Variants in ROBO1 observed in about 807,000 individuals in gnomAD.
ROBO1 encodes roundabout homolog 1.
In ROBO1, 149 loss-of-function variants were observed where a neutral mutation model predicts 195.9. That is an observed-to-expected ratio of 0.76 (90% CI 0.67 to 0.87). The LOEUF is 0.87. Among genes scored for constraint, ROBO1 ranks in the 40% least tolerant of loss-of-function variants. ROBO1 has a pLI of 0.00. For synonymous variants in ROBO1, 816 were observed against 733.2 expected (o/e 1.11, Z -1.82); for missense variants, 1,933 against 2,068.3 (o/e 0.93, Z 1.27).
chr3:78,662,029 G>A lies in ROBO1; in HGVS notation c.2052C>T (p.Thr684=), dbSNP rs766320067. The change falls in exon 15 of 31, where the codon ACC becomes ACT. Residue 684 remains threonine, a synonymous_variant. Transcript: ENST00000464233. ...CTTCGATGGAAGAGGAAGAAAGGACGGTGGGGTTGTGGAGGTGCAGAACAG... is the reference window on the plus strand; with the variant it reads ...CTTCGATGGAAGAGGAAGAAAGGACAGTGGGGTTGTGGAGGTGCAGAACAG... The part of the protein sequence containing the change: ...GNAVLHLHNP[T]VLSSSSIEVH... 37 of 1,604,464 alleles carry A rather than the reference G, an allele frequency of 2.3e-5. No individual in the cohort carries two copies. The highest frequency in any genetic ancestry group is 4.5e-5 in the South Asian group (4 of 88,632).
chr3:79,249,542 T>C (rs2082682396), intron 2 of ROBO1, among the ~76,000 whole-genome samples: 1 of 152,168 alleles, frequency 6.6e-6, no homozygotes. Context: ...TCTGTTATGA[T>C]TGATTCACTG....
rs553541039 is a variant in ROBO1 at position 79,090,092 on chromosome 3, A to G, written c.172+35364T>C. On this transcript the variant is annotated intron_variant, in intron 3 of 30. Coordinates refer to ENST00000464233, the MANE Select transcript of ROBO1 (RefSeq NM_002941.4). Reference sequence around the variant, plus strand: ...GTAGCTAGGACTACAGGCATGCACCACCATGCCCAGCTAATTTTTCTATTT... The same window carrying G: ...GTAGCTAGGACTACAGGCATGCACCGCCATGCCCAGCTAATTTTTCTATTT... Among the ~76,000 whole-genome samples the G allele has an allele frequency of 2.6e-4, 40 of 152,060 alleles. 1 individual carries two copies. In the Middle Eastern group the frequency reaches 0.017, roughly 65 times the overall value.
At chr3:79,502,653 G>C (rs1251222118) in intron 2 of ROBO1, among the ~76,000 whole-genome samples, 1 of 152,102 alleles carries the variant, frequency 6.6e-6, no homozygotes, top group Admixed American at 6.5e-5. Context: ...CGCCCCATGC[G>C]AGATCCACTG....
At chr3:79,500,354 T>C (rs1188174948) in intron 2 of ROBO1, among the ~76,000 whole-genome samples, 1 of 152,146 alleles carries the variant, frequency 6.6e-6, no homozygotes, top group Admixed American at 6.5e-5. Context: ...GGTCTCGAAC[T>C]CCTGACCTCA....
intron 1 of ROBO1, among the ~76,000 whole-genome samples, chr3:79,701,488 T>A (rs1947621207): frequency 6.6e-6 from 1 of 151,166 alleles, no homozygotes; most frequent in Non-Finnish European, 1.5e-5. Flanking sequence ...TCCTGTGGAG[T>A]CTGTAGAACA....
chr3:78,920,825 T>G (rs1576402647), intron 4 of ROBO1, among the ~76,000 whole-genome samples: 1 of 151,938 alleles, frequency 6.6e-6, no homozygotes, highest in African/African-American at 2.4e-5. Flanking sequence ...ATTTTATTTT[T>G]TTACTTTTTT....
intron 4 of ROBO1, among the ~76,000 whole-genome samples, chr3:78,778,476 A>G (rs1480480198): frequency 6.6e-6 from 1 of 152,188 alleles, no homozygotes; most frequent in Non-Finnish European, 1.5e-5. Context: ...TACACCAGTA[A>G]TAGACAAACA....
intron 10 of ROBO1, among the ~76,000 whole-genome samples, chr3:78,680,710 T>C (rs1378732824): frequency 2.8e-5 from 4 of 142,590 alleles, no homozygotes; most frequent in Admixed American, 2.1e-4. Context: ...TGTGGAGAAA[T>C]AGGAACACTT....
chr3:79,723,668 G>A (rs1156706075), intron 1 of ROBO1, among the ~76,000 whole-genome samples: 1 of 151,890 alleles, frequency 6.6e-6, no homozygotes, highest in African/African-American at 2.4e-5. Context: ...TGATATCTAT[G>A]GTCAAAGTAA....
intron 4 of ROBO1, among the ~76,000 whole-genome samples, chr3:78,815,513 C>A (rs192563443): frequency 2.1e-3 from 323 of 152,258 alleles, no homozygotes; most frequent in Non-Finnish European, 3.7e-3. Context: ...GCCCAATTGT[C>A]TCCCATTCTA....
chr3:79,692,555 A>G (rs1560105617), intron 1 of ROBO1, among the ~76,000 whole-genome samples: 1 of 151,862 alleles, frequency 6.6e-6, no homozygotes, highest in Non-Finnish European at 1.5e-5. Context: ...GCTAGATTCC[A>G]AAAGAAAGAC....
At chr3:79,728,966 T>A (rs1230025399) in intron 1 of ROBO1, among the ~76,000 whole-genome samples, 1 of 152,170 alleles carries the variant, frequency 6.6e-6, no homozygotes, top group East Asian at 1.9e-4. Flanking sequence ...GGTAAAATTC[T>A]AAAGTACATA....
chr3:79,621,429 G>C (rs191802167), intron 1 of ROBO1, among the ~76,000 whole-genome samples: 1 of 152,208 alleles, frequency 6.6e-6, no homozygotes, highest in Non-Finnish European at 1.5e-5. Context: ...CTCTTCACAT[G>C]GACGTGCATG....
chr3:79,070,228 C>T (rs937871949), intron 3 of ROBO1, among the ~76,000 whole-genome samples: 7 of 151,840 alleles, frequency 4.6e-5, no homozygotes, highest in Non-Finnish European at 1.0e-4. Flanking sequence ...TCTGATTTTA[C>T]CACCTTGAAC....
chr3:78,891,143 G>C (rs2036864816), intron 4 of ROBO1, among the ~76,000 whole-genome samples: 1 of 152,142 alleles, frequency 6.6e-6, no homozygotes, highest in Admixed American at 6.5e-5. Flanking sequence ...TTACATTACA[G>C]TTTCAGTAAG....
rs185716248 is a variant in ROBO1 at position 78,682,746 on chromosome 3, T to C, written c.1342+3000A>G. On this transcript the variant is annotated intron_variant, in intron 10 of 30. Coordinates refer to ENST00000464233, the MANE Select transcript of ROBO1 (RefSeq NM_002941.4). ...AGTCACATAAAAATCATATATATTA[T>C]ATATAATATATAGGAATAAAATTAT... 1.6e-3 allele frequency among the ~76,000 whole-genome samples: 239 copies of C among 147,750 alleles called. 1 individual carries two copies. The highest frequency in any genetic ancestry group is 0.014 in the Middle Eastern group (4 of 280).
intron 4 of ROBO1, among the ~76,000 whole-genome samples, chr3:78,917,096 T>C (rs1257386854): frequency 1.5e-5 from 2 of 135,642 alleles, no homozygotes; most frequent in East Asian, 2.0e-4. Flanking sequence ...TTTTTTGTTT[T>C]TCGTTTTTTT....
chr3:79,115,391 A>C (rs1446646021), intron 3 of ROBO1, among the ~76,000 whole-genome samples: 1 of 152,146 alleles, frequency 6.6e-6, no homozygotes, highest in African/African-American at 2.4e-5. Context: ...AAATATAAAG[A>C]TATCACTGTC....
intron 2 of ROBO1, among the ~76,000 whole-genome samples, chr3:79,230,527 TA>T (rs572720083): frequency 1.6e-4 from 23 of 147,822 alleles, no homozygotes; most frequent in South Asian, 4.3e-4. Context: ...AAGCAAAGAC[TA>T]AAAAAAAAAT....
Sources: gnomAD v4.1 joint callset for allele counts (sites outside exome capture counted in the v4.1 genomes callset) on GRCh38, gnomAD v4.1.1 for gene constraint, MANE v1.5 for transcripts, NCBI Gene and HGNC (gene_info 2026-07-23, HGNC 2026-07-21) for gene names.